Variants in RIMS2 observed in about 807,000 individuals in gnomAD.
RIMS2 encodes regulating synaptic membrane exocytosis 2, also known as regulating synaptic membrane exocytosis protein 2.
A neutral mutation model predicts 174.4 loss-of-function variants in RIMS2; 59 were observed. The observed-to-expected ratio is 0.34, with a 90% CI of 0.27 to 0.42. The LOEUF (loss-of-function observed/expected upper bound fraction) is 0.42. Ranked by LOEUF, RIMS2 falls within the 10% of genes least tolerant of loss-of-function variation. RIMS2 has a pLI of 1.00. For synonymous variants in RIMS2, 606 were observed against 572.5 expected, an observed-to-expected ratio of 1.06 and a Z score of -0.84; for missense variants, 1,620 against 1,666.3, an observed-to-expected ratio of 0.97 and a Z score of 0.48.
At chr8:104,154,170 GA>G (rs1372369861) in intron 19 of RIMS2, among the ~76,000 whole-genome samples, 7 of 152,272 alleles carry the variant, frequency 4.6e-5, no homozygotes, top group Admixed American at 3.9e-4. Flanking sequence ...TAGATGGGGG[GA>G]AAAAGTAGGG....
intron 19 of RIMS2, among the ~76,000 whole-genome samples, chr8:104,171,263 C>T (rs1215801913): frequency 2.0e-5 from 3 of 152,066 alleles, no homozygotes; most frequent in Non-Finnish European, 4.4e-5. Context: ...ATTTCTCCCT[C>T]AGGAATACTA....
intron 19 of RIMS2, among the ~76,000 whole-genome samples, chr8:104,085,696 A>G (rs117820731): frequency 6.6e-6 from 1 of 152,314 alleles, no homozygotes; most frequent in Non-Finnish European, 1.5e-5. Context: ...TAAATGACTA[A>G]GTAATATTTC....
At chr8:103,818,426 A>G (rs1182536888) in intron 3 of RIMS2, among the ~76,000 whole-genome samples, 5 of 152,222 alleles carry the variant, frequency 3.3e-5, no homozygotes, top group Non-Finnish European at 7.3e-5. Context: ...AATAACCTAA[A>G]TGTTTATCAG....
rs1554753422 is a variant in RIMS2 at position 103,696,885 on chromosome 8, A to AC, written c.177-201_177-200insC. Among the ~76,000 whole-genome samples, 3 of 136,834 alleles carry AC rather than the reference A, an allele frequency of 2.2e-5. 1 individual carries two copies. Among genetic ancestry groups the AC allele is most frequent in the Admixed American group, 1.4e-4 (2 of 14,016 alleles). The allele number at this position is 136,834 out of a possible 152,430, so 89.8% of individuals were successfully genotyped here. ...CTCAAAAAAAAAAAAAAAAAAAAAA[A>AC]GAAGGTAGAACTAGTTGCAATACTT... On this transcript the variant is annotated intron_variant, in intron 1 of 23. Coordinates refer to ENST00000504942, the Ensembl canonical transcript of RIMS2.
At chr8:104,130,768 G>C (rs923004436) in intron 19 of RIMS2, among the ~76,000 whole-genome samples, 2 of 152,106 alleles carry the variant, frequency 1.3e-5, no homozygotes, top group Admixed American at 6.6e-5. Flanking sequence ...TGGAGATTAG[G>C]TAAGACTTCA....
At chr8:104,055,733 G>A (rs1275323310) in intron 19 of RIMS2, among the ~76,000 whole-genome samples, 1 of 152,132 alleles carries the variant, frequency 6.6e-6, no homozygotes, top group East Asian at 1.9e-4. Flanking sequence ...TGTATATAGT[G>A]AAGCATTTGC....
intron 11 of RIMS2, 101 bp from the exon 14 acceptor site, chr8:103,931,162 G>T: frequency 1.2e-6 from 1 of 833,676 alleles, no homozygotes. Context: ...TATATTCTGT[G>T]CTAATGTTAT....
chr8:104,146,139 A>G (rs1340720866), intron 19 of RIMS2, among the ~76,000 whole-genome samples: 1 of 144,912 alleles, frequency 6.9e-6, no homozygotes, highest in Non-Finnish European at 1.5e-5. Flanking sequence ...ATCAGGAGAG[A>G]GGATCACTTG....
intron 19 of RIMS2, among the ~76,000 whole-genome samples, chr8:104,147,202 T>C (rs1045868020): frequency 2.0e-5 from 3 of 152,086 alleles, no homozygotes; most frequent in Non-Finnish European, 2.9e-5. Flanking sequence ...TCTCTTCTCT[T>C]CTTTTCTCTT....
intron 13 of RIMS2, among the ~76,000 whole-genome samples, chr8:103,939,795 C>T (rs1595522948): frequency 6.6e-6 from 1 of 152,192 alleles, no homozygotes; most frequent in South Asian, 2.1e-4. Context: ...CCTAAATCAT[C>T]TCCCTCAAGT....
chr8:103,727,164 A>C (rs1361527230), intron 2 of RIMS2, among the ~76,000 whole-genome samples: 1 of 152,064 alleles, frequency 6.6e-6, no homozygotes, highest in Non-Finnish European at 1.5e-5. Context: ...TTTCTGAATG[A>C]TATTATTTGA....
intron 15 of RIMS2, among the ~76,000 whole-genome samples, chr8:103,973,494 C>A (rs1170910223): frequency 6.6e-6 from 1 of 151,856 alleles, no homozygotes; most frequent in Non-Finnish European, 1.5e-5. Flanking sequence ...AAATTTTATG[C>A]AATAAAAATA....
chr8:103,858,732 TACACAC>T (rs71881969), intron 3 of RIMS2, among the ~76,000 whole-genome samples: 11 of 145,316 alleles, frequency 7.6e-5, no homozygotes, highest in East Asian at 4.0e-4. Context: ...TACATACCTA[TACACAC>T]ACACACACAC....
At chr8:103,931,314 G>A in exon 12 of RIMS2, 1 of 1,604,262 alleles carries the variant, frequency 6.2e-7, no homozygotes, top group Non-Finnish European at 8.5e-7. Context: ...TACAATTTTG[G>A]GAGCAAAAGA....
intron 3 of RIMS2, among the ~76,000 whole-genome samples, chr8:103,876,911 C>CAT (rs1285504625): frequency 0.018 from 799 of 45,402 alleles, 12 homozygotes; most frequent in Middle Eastern, 0.068. Context: ...TATATATATA[C>CAT]ACACACACCC....
Position 103,701,990 on chromosome 8 carries a change from G to GT in RIMS2, c.387+4700dup, listed in dbSNP as rs1188586822. On this transcript the variant is annotated intron_variant, in intron 2 of 23. Coordinates refer to ENST00000504942, the Ensembl canonical transcript of RIMS2. ...GATCATATGGTGGTTCTATTTTTAG[G>GT]TTTTTTATTGAGGAACCTCTATACT... is the stretch of plus-strand genomic sequence containing the variant. 7.2e-5 allele frequency among the ~76,000 whole-genome samples: 11 copies of GT among 151,882 alleles called. No individual in the cohort carries two copies. In the East Asian group the frequency reaches 9.7e-4, roughly 13 times the overall value.
chr8:103,581,951 G>A (rs529251061), intron 1 of RIMS2, among the ~76,000 whole-genome samples: 41 of 152,338 alleles, frequency 2.7e-4, no homozygotes, highest in Admixed American at 7.8e-4. Context: ...CACCACTGGT[G>A]CAGCCAGGGG....
At chr8:103,504,612 T>G (rs1335601019) in intron 1 of RIMS2, among the ~76,000 whole-genome samples, 1 of 152,144 alleles carries the variant, frequency 6.6e-6, no homozygotes, top group Non-Finnish European at 1.5e-5. Flanking sequence ...GTGTATATTT[T>G]CATTCATAGT....
At position 103,902,713 on chromosome 8, in the gene RIMS2, TC is replaced by T. The variant is rs146447007; in HGVS notation, c.1625-7419del. On this transcript the variant is annotated intron_variant, in intron 4 of 23. Coordinates refer to ENST00000504942, the Ensembl canonical transcript of RIMS2. Reference sequence around the variant, plus strand: ...TCAGCAATATGTCTCAAAATATAGTTCCTGGGACACTTGTCCTCTGAGAAAT... The same window carrying T: ...TCAGCAATATGTCTCAAAATATAGTTCTGGGACACTTGTCCTCTGAGAAAT... 8.5e-3 allele frequency among the ~76,000 whole-genome samples: 1,291 copies of T among 152,250 alleles called. 19 individuals are homozygous for T. The highest frequency in any genetic ancestry group is 0.029 in the African/African-American group (1,219 of 41,554).
Sources: gnomAD v4.1 joint callset for allele counts (sites outside exome capture counted in the v4.1 genomes callset) on GRCh38, gnomAD v4.1.1 for gene constraint, MANE v1.5 for transcripts, NCBI Gene and HGNC (gene_info 2026-07-23, HGNC 2026-07-21) for gene names.